CEMIP: variants seen among roughly 807,000 people sequenced by gnomAD.
The protein encoded by CEMIP is cell migration-inducing and hyaluronan-binding protein.
Under a neutral mutation model 156.9 loss-of-function variants are expected in CEMIP, and 105 were observed. The ratio of observed to expected loss-of-function variants is 0.67; its 90% CI spans 0.57 to 0.79. The LOEUF (loss-of-function observed/expected upper bound fraction) is 0.79. CEMIP is among the 30% of genes least tolerant of loss of function. The pLI is 0.00. For synonymous variants in CEMIP, 676 were observed against 668.4 expected, an observed-to-expected ratio of 1.01 and a Z score of -0.17; for missense variants, 1,457 against 1,769.4, an observed-to-expected ratio of 0.82 and a Z score of 3.17.
At chr15:80,845,533 C>A (rs566429030) in intron 1 of CEMIP, among the ~76,000 whole-genome samples, 1 of 152,294 alleles carries the variant, frequency 6.6e-6, no homozygotes, top group East Asian at 1.9e-4. Context: ...GTCAGTGGAG[C>A]CTATTTGAGA....
In CEMIP at chr15:80,873,621, C is replaced by T. The variant is rs1421787163; in HGVS notation, c.-92C>T. On this transcript the variant is annotated 5_prime_UTR_variant, in exon 2 of 30. Coordinates refer to ENST00000394685, the MANE Select transcript of CEMIP (RefSeq NM_001293298.2). ...ATCACTCGGTCTCTGAGCTGCAGGACACAGGCAGGACAACGGTAGGATTTT... is the reference window on the plus strand; with the variant it reads ...ATCACTCGGTCTCTGAGCTGCAGGATACAGGCAGGACAACGGTAGGATTTT... 4.0e-6 allele frequency: 2 copies of T among 503,956 alleles called. No individual in the cohort carries two copies. Among genetic ancestry groups the T allele is most frequent in the East Asian group, 3.6e-5 (1 of 27,548 alleles). 31.2% of individuals were successfully genotyped at this position (503,956 alleles called of 1,614,324 possible). A position where few individuals can be genotyped will look rare whatever the true frequency, so the allele number is the denominator to read the frequency against.
chr15:80,823,859 G>T (rs1367479469), intron 1 of CEMIP, among the ~76,000 whole-genome samples: 1 of 152,204 alleles, frequency 6.6e-6, no homozygotes, highest in Non-Finnish European at 1.5e-5. Context: ...CCAACAGAAG[G>T]CCAGGTGTGG....
chr15:80,949,165 C>T lies in CEMIP; in HGVS notation c.*241C>T. The stretch of plus-strand genomic sequence containing the variant: ...GCCAATGCTGGAAACATTCACTTTC[C>T]TGCAGCCTCTTGGGTGCTTCTCTCC... On this transcript the variant is annotated 3_prime_UTR_variant, in exon 30 of 30. Transcript: ENST00000394685. 1 of 564,168 alleles carries T rather than the reference C, an allele frequency of 1.8e-6. No homozygotes were observed. Among genetic ancestry groups the T allele is most frequent in the Non-Finnish European group, 3.2e-6 (1 of 313,760 alleles). The allele number at this position is 564,168 out of a possible 1,614,324, so 34.9% of individuals were successfully genotyped here.
intron 1 of CEMIP, among the ~76,000 whole-genome samples, chr15:80,792,339 A>G (rs1297013890): frequency 1.3e-5 from 2 of 152,310 alleles, no homozygotes; most frequent in East Asian, 3.9e-4. Flanking sequence ...TGTCTACTTT[A>G]TATCTTCCTT....
At chr15:80,801,428 T>TG (rs1484597749) in intron 1 of CEMIP, among the ~76,000 whole-genome samples, 1 of 152,220 alleles carries the variant, frequency 6.6e-6, no homozygotes, top group African/African-American at 2.4e-5. Context: ...TAGACTAGCC[T>TG]GGGTTTGTTC....
At chr15:80,812,059 G>T (rs1442326407) in intron 1 of CEMIP, among the ~76,000 whole-genome samples, 1 of 152,060 alleles carries the variant, frequency 6.6e-6, no homozygotes, top group Non-Finnish European at 1.5e-5. Context: ...GAGGGCAGTG[G>T]CTATTCACAG....
At chr15:80,942,826 C>T (rs1325830962) in intron 27 of CEMIP, 119 bp from the exon 28 acceptor site, 14 of 1,163,244 alleles carry the variant, frequency 1.2e-5, no homozygotes, top group Admixed American at 1.2e-4. Context: ...ATGGAGTTTA[C>T]GCTTCAAATA....
chr15:80,803,485 A>T (rs1339448399), intron 1 of CEMIP, among the ~76,000 whole-genome samples: 6 of 152,222 alleles, frequency 3.9e-5, no homozygotes, highest in Non-Finnish European at 8.8e-5. Flanking sequence ...ATGAAAAAGA[A>T]TCTTAGAAGC....
intron 28 of CEMIP, chr15:80,946,631 T>C: frequency 2.9e-6 from 1 of 341,688 alleles, no homozygotes; most frequent in South Asian, 2.9e-5. Context: ...GAAGTCCTAC[T>C]GTGTGCCGAG....
chr15:80,809,582 T>C (rs1896606574), intron 1 of CEMIP, among the ~76,000 whole-genome samples: 1 of 152,186 alleles, frequency 6.6e-6, no homozygotes, highest in South Asian at 2.1e-4. Flanking sequence ...CACAGTCCTG[T>C]GGATAGGAAG....
At chr15:80,948,678 A>G in intron 29 of CEMIP, 119 bp from the exon 30 acceptor site, 1 of 1,315,662 alleles carries the variant, frequency 7.6e-7, no homozygotes, top group Non-Finnish European at 1.1e-6. Flanking sequence ...GCCACAGTGC[A>G]GTGTGGCTAG....
intron 1 of CEMIP, among the ~76,000 whole-genome samples, chr15:80,795,272 G>T (rs575365406): frequency 6.6e-6 from 1 of 152,160 alleles, no homozygotes; most frequent in South Asian, 2.1e-4. Context: ...GATCCCTCTG[G>T]CTGCTCTCTG....
chr15:80,928,998 T>G, intron 20 of CEMIP, 21 bp from the exon 21 acceptor site: 2 of 1,614,222 alleles, frequency 1.2e-6, no homozygotes, highest in Non-Finnish European at 1.7e-6. Flanking sequence ...GCATCTCACC[T>G]TAAACATCTT....
chr15:80,825,847 C>G (rs916815861), intron 1 of CEMIP, among the ~76,000 whole-genome samples: 1 of 152,196 alleles, frequency 6.6e-6, no homozygotes, highest in African/African-American at 2.4e-5. Context: ...TGTGCTGTTG[C>G]TCCGACTGTC....
intron 1 of CEMIP, among the ~76,000 whole-genome samples, chr15:80,788,896 CA>C (rs200683598): frequency 0.012 from 1,736 of 143,650 alleles, 21 homozygotes; most frequent in African/African-American, 0.039. Context: ...GCACTAGAGG[CA>C]AAAAAAAAAA....
chr15:80,826,242 C>G (rs1897035330), intron 1 of CEMIP, among the ~76,000 whole-genome samples: 1 of 152,192 alleles, frequency 6.6e-6, no homozygotes, highest in Non-Finnish European at 1.5e-5. Context: ...CATTTGCTGT[C>G]AAGTTACCAG....
In CEMIP at chr15:80,818,057, G is replaced by A. The variant is rs565880203; in HGVS notation, c.-176+38443G>A. 2.0e-5 allele frequency among the ~76,000 whole-genome samples: 3 copies of A among 152,316 alleles called. No individual in the cohort carries two copies. In the South Asian group the frequency reaches 6.2e-4, roughly 32 times the overall value. ...AGAGGATCCGATGGAATGACTAGCT[G>A]AAAGTGTTTGTAAAAGTCAGGATAA... On this transcript the variant is annotated intron_variant, in intron 1 of 29. Coordinates refer to ENST00000394685, the MANE Select transcript of CEMIP (RefSeq NM_001293298.2).
rs1313792720 is a variant in CEMIP at position 80,948,832 on chromosome 15, C to T, written c.3994C>T (p.Arg1332Trp). 3 of 1,614,220 alleles carry T rather than the reference C, an allele frequency of 1.9e-6. No individual in the cohort carries two copies. The highest frequency in any genetic ancestry group is 2.2e-5 in the South Asian group (2 of 91,088). Residue 1332 changes from arginine (R) to tryptophan (W), a missense_variant, in exon 30 of 30, where the codon CGG becomes TGG. By Grantham distance (101) the Arg-to-Trp change is moderately radical. This residue lies in a region of CEMIP where 798 missense variants were observed against 980.1 expected (regional missense o/e 0.81). Coordinates refer to ENST00000394685, the MANE Select transcript of CEMIP (RefSeq NM_001293298.2). ...ATTCGTTGGCTTCAAAGGCAGCTTC[C>T]GGCCCATCTGGGTGACACTGGACAC... is the stretch of plus-strand genomic sequence containing the variant. ...MAFVGFKGSF[R>W]PIWVTLDTED...
intron 12 of CEMIP, among the ~76,000 whole-genome samples, chr15:80,902,756 C>A (rs370721348): frequency 1.3e-5 from 2 of 152,154 alleles, no homozygotes; most frequent in African/African-American, 4.8e-5. Context: ...AAGAAAGATG[C>A]CAAATTTGCT....
Sources: gnomAD v4.1 joint callset for allele counts (sites outside exome capture counted in the v4.1 genomes callset) on GRCh38, gnomAD v4.1.1 for gene constraint, gnomAD v4.1.1 regional missense constraint, MANE v1.5 for transcripts, NCBI Gene and HGNC (gene_info 2026-07-23, HGNC 2026-07-21) for gene names.